Variants in MBNL2 observed in about 807,000 individuals in gnomAD.
The protein encoded by MBNL2 is muscleblind like splicing regulator 2.
MBNL2 carries 17 observed loss-of-function variants against 41.9 expected under a neutral mutation model. The observed-to-expected ratio is 0.41, with a 90% CI of 0.28 to 0.61. The LOEUF (loss-of-function observed/expected upper bound fraction) is 0.61, where lower values mean the gene tolerates loss of function less well. Among genes scored for constraint, MBNL2 ranks in the 20% least tolerant of loss-of-function variants. The pLI is 0.35. For missense variants in MBNL2, 336 were observed against 505.6 expected, an observed-to-expected ratio of 0.66 and a Z score of 3.22; for synonymous variants, 195 against 182.9, an observed-to-expected ratio of 1.07 and a Z score of -0.53.
intron 1 of MBNL2, among the ~76,000 whole-genome samples, chr13:97,269,125 C>A (rs1002203402): frequency 2.0e-5 from 3 of 152,160 alleles, no homozygotes; most frequent in African/African-American, 7.2e-5. Context: ...GCAACTACTC[C>A]CAAACATTGC....
At chr13:97,347,124 G>A in intron 5 of MBNL2, 57 bp downstream of exon 5, 1 of 1,345,496 alleles carries the variant, frequency 7.4e-7, no homozygotes, top group Non-Finnish European at 9.8e-7. Flanking sequence ...GGCCGCTCCG[G>A]GCTGGGACTT....
chr13:97,387,575 A>G (rs914408325), intron 8 of MBNL2, among the ~76,000 whole-genome samples: 4 of 152,320 alleles, frequency 2.6e-5, no homozygotes, highest in Middle Eastern at 3.4e-3. Flanking sequence ...AGCAGGCTCC[A>G]TGAGGCACAG....
At chr13:97,252,571 G>T (rs535078455) in intron 1 of MBNL2, among the ~76,000 whole-genome samples, 2 of 151,716 alleles carry the variant, frequency 1.3e-5, no homozygotes, top group South Asian at 4.2e-4. Flanking sequence ...TAATTTTTTT[G>T]CTTGTCCAAT....
intron 5 of MBNL2, among the ~76,000 whole-genome samples, chr13:97,354,903 G>A (rs893433222): frequency 3.9e-5 from 6 of 152,140 alleles, no homozygotes; most frequent in African/African-American, 1.2e-4. Context: ...TGAGTTTAAC[G>A]ATCCAGTTCA....
At chr13:97,280,596 A>T (rs1377174820) in intron 2 of MBNL2, among the ~76,000 whole-genome samples, 2 of 152,202 alleles carry the variant, frequency 1.3e-5, no homozygotes, top group Non-Finnish European at 2.9e-5. Flanking sequence ...GCTTCTCACC[A>T]CACTCAGAGT....
chr13:97,228,261 A>G (rs954614046), intron 1 of MBNL2, among the ~76,000 whole-genome samples: 1 of 152,136 alleles, frequency 6.6e-6, no homozygotes. Context: ...TTGGCTGAGC[A>G]AGTATTTAAA....
chr13:97,254,622 C>T, intron 1 of MBNL2, among the ~76,000 whole-genome samples: 1 of 152,162 alleles, frequency 6.6e-6, no homozygotes, highest in East Asian at 1.9e-4. Context: ...CCCACCCCTC[C>T]ACTGTTCCCC....
chr13:97,284,785 G>A lies in MBNL2; in HGVS notation c.174+8376G>A, dbSNP rs185776509. Reference sequence around the variant, plus strand: ...GAAGAAGGAATGATGACAAACTGGCGTTCCATGATTACAACATTCTTTGGT... The same window carrying A: ...GAAGAAGGAATGATGACAAACTGGCATTCCATGATTACAACATTCTTTGGT... On this transcript the variant is annotated intron_variant, in intron 2 of 8. Transcript: ENST00000679496. 1.4e-3 allele frequency among the ~76,000 whole-genome samples: 213 copies of A among 152,302 alleles called. 2 individuals carry two copies. Among genetic ancestry groups the A allele is most frequent in the African/African-American group, 4.6e-3 (191 of 41,566 alleles).
rs1594244046 is a variant in MBNL2 at position 97,346,594 on chromosome 13, C to T, written c.541-210C>T. Reference sequence around the variant, plus strand: ...GTATTATTTTCTCAATATAGATTTTCACCCTAGAAAAGGCGGTAAAACAAA... The same window carrying T: ...GTATTATTTTCTCAATATAGATTTTTACCCTAGAAAAGGCGGTAAAACAAA... On this transcript the variant is annotated intron_variant, in intron 4 of 8. Coordinates refer to ENST00000679496, the MANE Select transcript of MBNL2 (RefSeq NM_001382683.1). The surrounding 1 kb of genome is among the most constrained non-coding windows in gnomAD (Gnocchi z 4.2). 6.6e-6 allele frequency among the ~76,000 whole-genome samples: 1 copy of T among 152,324 alleles called. No homozygotes were observed. Among genetic ancestry groups the T allele is most frequent in the South Asian group, 2.1e-4 (1 of 4,826 alleles).
chr13:97,164,331 A>T, the MBNL2 span, among the ~76,000 whole-genome samples: 1 of 152,220 alleles, frequency 6.6e-6, no homozygotes, highest in East Asian at 1.9e-4. Context: ...CAAGGCATTA[A>T]TCAGATTGGC....
At chr13:97,307,528 T>C (rs1446258435) in intron 2 of MBNL2, among the ~76,000 whole-genome samples, 2 of 152,156 alleles carry the variant, frequency 1.3e-5, no homozygotes, top group Non-Finnish European at 2.9e-5. Flanking sequence ...TTCAGAAAAG[T>C]CAAGTAATCC....
intron 3 of MBNL2, among the ~76,000 whole-genome samples, chr13:97,337,390 G>A (rs541430103): frequency 6.6e-6 from 1 of 152,304 alleles, no homozygotes; most frequent in Non-Finnish European, 1.5e-5. Flanking sequence ...TCTCAGCGGT[G>A]CTCAAGTCAT....
rs1247233848 is a variant in MBNL2, at chr13:97,346,286, T to G, written c.541-518T>G. On this transcript the variant is annotated intron_variant, in intron 4 of 8. Coordinates refer to ENST00000679496, the MANE Select transcript of MBNL2 (RefSeq NM_001382683.1). This position sits in a 1 kb window ranked among gnomAD's most constrained non-coding sequence, Gnocchi z 4.2. ...ATGGATGGATGGATAGATGGATGGG[T>G]GGATGGATAGATAGATGGATAATAG... Among the ~76,000 whole-genome samples, 1 of 151,574 alleles carries G rather than the reference T, an allele frequency of 6.6e-6. No individual in the cohort carries two copies. The highest frequency in any genetic ancestry group is 1.5e-5 in the Non-Finnish European group (1 of 67,912).
At chr13:97,239,642 T>G (rs773052985) in intron 1 of MBNL2, among the ~76,000 whole-genome samples, 1 of 152,228 alleles carries the variant, frequency 6.6e-6, no homozygotes, top group Non-Finnish European at 1.5e-5. Flanking sequence ...TCATTTAAAC[T>G]TCAAAGAAGT....
At chr13:97,144,720 A>G in the MBNL2 span, among the ~76,000 whole-genome samples, 1 of 152,050 alleles carries the variant, frequency 6.6e-6, no homozygotes, top group Non-Finnish European at 1.5e-5. Context: ...GGCATGAGCC[A>G]CCCCGCCCAG....
At chr13:97,332,519 T>C (rs185940164) in intron 2 of MBNL2, among the ~76,000 whole-genome samples, 36 of 152,292 alleles carry the variant, frequency 2.4e-4, no homozygotes, top group African/African-American at 8.7e-4. Context: ...CTGAAGCAAG[T>C]TGACAGGGCT....
intron 2 of MBNL2, among the ~76,000 whole-genome samples, chr13:97,294,013 C>G (rs2056625667): frequency 6.6e-6 from 1 of 151,984 alleles, no homozygotes; most frequent in African/African-American, 2.4e-5. Flanking sequence ...GAATGTACCA[C>G]TCCTGCTTTT....
At chr13:97,267,527 G>A (rs2050061124) in intron 1 of MBNL2, among the ~76,000 whole-genome samples, 1 of 152,090 alleles carries the variant, frequency 6.6e-6, no homozygotes, top group Non-Finnish European at 1.5e-5. Context: ...TAAATCACAC[G>A]CCTTCTGGAG....
At chr13:97,249,586 A>G (rs753630552) in intron 1 of MBNL2, among the ~76,000 whole-genome samples, 3 of 152,178 alleles carry the variant, frequency 2.0e-5, no homozygotes, top group Non-Finnish European at 2.9e-5. Context: ...GTTGCTTAAC[A>G]TTTACATTGG....
Sources: gnomAD v4.1 joint callset for allele counts (sites outside exome capture counted in the v4.1 genomes callset) on GRCh38, gnomAD v4.1.1 for gene constraint, Gnocchi (gnomAD v3.1) non-coding constraint, MANE v1.5 for transcripts, NCBI Gene and HGNC (gene_info 2026-07-23, HGNC 2026-07-21) for gene names.